IFT81: variants seen among roughly 807,000 people sequenced by gnomAD.
The protein encoded by IFT81 is intraflagellar transport 81.
Under a neutral mutation model 102.6 loss-of-function variants are expected in IFT81, and 72 were observed. The observed-to-expected ratio is 0.70, with a 90% confidence interval of 0.58 to 0.85. The LOEUF is 0.85. IFT81 is among the 40% of genes least tolerant of loss of function. The probability of loss-of-function intolerance (pLI) is 0.00; values close to 1 mark genes in which losing one functional copy is unlikely to be tolerated. For missense variants in IFT81, 723 were observed against 787.3 expected, an observed-to-expected ratio of 0.92 and a Z score of 0.98; for synonymous variants, 237 against 242.7, an observed-to-expected ratio of 0.98 and a Z score of 0.22.
chr12:110,172,564 T>C (rs1370743459), intron 11 of IFT81, among the ~76,000 whole-genome samples: 2 of 152,118 alleles, frequency 1.3e-5, no homozygotes, highest in East Asian at 3.9e-4. Context: ...TTTTCGTATT[T>C]TTTTGGTGGA....
At chr12:110,130,542 G>C (rs2137301283) in intron 4 of IFT81, among the ~76,000 whole-genome samples, 1 of 151,944 alleles carries the variant, frequency 6.6e-6, no homozygotes, top group African/African-American at 2.4e-5. Flanking sequence ...GCTAATTTTT[G>C]TATTTTTAGC....
Position 110,129,139 on chromosome 12 carries a change from T to C in IFT81, c.429+9T>C. The C allele has an allele frequency of 6.4e-7, 1 of 1,562,724 alleles. No homozygotes were observed. The highest frequency in any genetic ancestry group is 8.7e-7 in the Non-Finnish European group (1 of 1,154,986). ...CTGACACCAATAAACAGGTAAACAA[T>C]ACATAAATGGTACATTGAAACTGTA... On this transcript the variant is annotated intron_variant, in intron 4 of 18. Transcript: ENST00000242591.
At chr12:110,190,660 T>G (rs1336732116) in intron 12 of IFT81, among the ~76,000 whole-genome samples, 1 of 152,196 alleles carries the variant, frequency 6.6e-6, no homozygotes, top group Non-Finnish European at 1.5e-5. Context: ...TGTTTTAGGT[T>G]CTGTGCTGAG....
chr12:110,218,233 G>A lies in IFT81; in HGVS notation c.*7G>A. Reference sequence around the variant, plus strand: ...GGACCGGCTAATACTGTGAATTCTTGTGTCATCGTTTGGGGTTTTACTTGA... The same window carrying A: ...GGACCGGCTAATACTGTGAATTCTTATGTCATCGTTTGGGGTTTTACTTGA... On this transcript the variant is annotated 3_prime_UTR_variant, in exon 19 of 19. Coordinates refer to ENST00000242591, the MANE Select transcript of IFT81 (RefSeq NM_014055.4). The A allele has an allele frequency of 6.6e-7, 1 of 1,511,962 alleles. No individual in the cohort carries two copies. Among genetic ancestry groups the A allele is most frequent in the South Asian group, 1.4e-5 (1 of 73,154 alleles). The allele number at this position is 1,511,962 out of a possible 1,614,324, so 93.7% of individuals were successfully genotyped here. A position where few individuals can be genotyped will look rare whatever the true frequency, so the allele number is the denominator to read the frequency against.
Position 110,135,444 on chromosome 12 carries a change from A to G in IFT81, c.696+7A>G. On this transcript the variant is annotated splice_region_variant and intron_variant, in intron 7 of 18. Transcript: ENST00000242591. The stretch of plus-strand genomic sequence containing the variant: ...ACAGGAACAAAAGAATCAGGTATCC[A>G]CATAAAAGTTTATATTCTCAGTATG... 1.3e-6 allele frequency: 2 copies of G among 1,519,430 alleles called. No individual in the cohort carries two copies. Among genetic ancestry groups the G allele is most frequent in the Non-Finnish European group, 1.8e-6 (2 of 1,099,066 alleles). The allele number at this position is 1,519,430 out of a possible 1,614,324, so 94.1% of individuals were successfully genotyped here.
chr12:110,157,413 T>G (rs1593311723), intron 10 of IFT81, among the ~76,000 whole-genome samples: 1 of 149,588 alleles, frequency 6.7e-6, no homozygotes, highest in African/African-American at 2.5e-5. Context: ...AGAAAGGAAG[T>G]GCACTTGGAA....
chr12:110,193,609 AT>A, intron 14 of IFT81, among the ~76,000 whole-genome samples: 1 of 152,190 alleles, frequency 6.6e-6, no homozygotes. Context: ...TTAATACTAT[AT>A]TTTTAACTTG....
chr12:110,147,182 T>C (rs1895276169), intron 10 of IFT81, 134 bp downstream of exon 10: 1 of 576,758 alleles, frequency 1.7e-6, no homozygotes, highest in Non-Finnish European at 2.7e-6. Flanking sequence ...ATCTCCATAG[T>C]ATATCAAAGA....
chr12:110,133,798 A>G (rs1245835796), intron 5 of IFT81, among the ~76,000 whole-genome samples: 1 of 152,196 alleles, frequency 6.6e-6, no homozygotes, highest in Non-Finnish European at 1.5e-5. Context: ...ATGTCATTAA[A>G]CATTCTTCTG....
At chr12:110,206,184 C>G (rs1868599477) in intron 17 of IFT81, among the ~76,000 whole-genome samples, 1 of 152,298 alleles carries the variant, frequency 6.6e-6, no homozygotes, top group South Asian at 2.1e-4. Context: ...AGTGTGATGA[C>G]TGCATTTTAG....
At chr12:110,136,341 G>A (rs928143210) in intron 7 of IFT81, among the ~76,000 whole-genome samples, 2 of 152,110 alleles carry the variant, frequency 1.3e-5, no homozygotes, top group African/African-American at 4.8e-5. Flanking sequence ...GATTTTGCTG[G>A]CACTTGACTT....
rs745860118 is a variant in IFT81 at position 110,134,980 on chromosome 12, G to A, written c.552G>A (p.Gln184=). The change falls in exon 6 of 19, where the codon CAG becomes CAA. Residue 184 remains glutamine (Q), a synonymous_variant. Coordinates refer to ENST00000242591, the MANE Select transcript of IFT81 (RefSeq NM_014055.4). ...GTGCAATGGAAGAAGAAAAGGATCA[G>A]CTCATTAAGAGAGTTGAACATTTGA... ...DISAMEEEKD[Q]LIKRVEHLKK... 1.4e-5 allele frequency: 23 copies of A among 1,611,018 alleles called. No individual in the cohort carries two copies. In the African/African-American group the frequency reaches 2.8e-4, roughly 20 times the overall value.
chr12:110,143,402 G>A lies in IFT81; in HGVS notation c.802G>A (p.Glu268Lys). 1 of 1,396,156 alleles carries A rather than the reference G, an allele frequency of 7.2e-7. No individual in the cohort carries two copies. The highest frequency in any genetic ancestry group is 1.5e-5 in the African/African-American group (1 of 66,946). 86.5% of individuals were successfully genotyped at this position (1,396,156 alleles called of 1,614,324 possible). A position where few individuals can be genotyped will look rare whatever the true frequency, so the allele number is the denominator to read the frequency against. Reference protein sequence around the residue: ...KPESLMKRLEEEIKFNLYMVT... With the variant: ...KPESLMKRLEKEIKFNLYMVT... ...TAAAGGTTTAATGAAGAGGCTAGAG[G>A]AGGAGATAAAATTTAATTTATATAT... Residue 268 changes from glutamate to lysine, a missense_variant, in exon 9 of 19, where the codon GAG (glutamate) becomes AAG (lysine). Coordinates refer to ENST00000242591, the MANE Select transcript of IFT81 (RefSeq NM_014055.4).
intron 11 of IFT81, among the ~76,000 whole-genome samples, chr12:110,178,369 G>A (rs1243132385): frequency 6.7e-6 from 1 of 149,400 alleles, no homozygotes; most frequent in African/African-American, 2.5e-5. Flanking sequence ...AGGGGAGATT[G>A]TGCGGCTGCA....
chr12:110,185,603 T>A (rs182801751), intron 12 of IFT81, among the ~76,000 whole-genome samples: 24 of 152,292 alleles, frequency 1.6e-4, no homozygotes, highest in African/African-American at 5.5e-4. Flanking sequence ...AATATTTTTT[T>A]AATTCTAAAT....
intron 11 of IFT81, chr12:110,168,441 T>C: frequency 1.1e-6 from 1 of 925,220 alleles, no homozygotes; most frequent in Non-Finnish European, 1.3e-6. Context: ...TGTGGTAGAA[T>C]TCAAGTTTTG....
chr12:110,127,704 C>A (rs1219800451), intron 2 of IFT81, among the ~76,000 whole-genome samples, 180 bp downstream of exon 2: 1 of 152,110 alleles, frequency 6.6e-6, no homozygotes, highest in African/African-American at 2.4e-5. Flanking sequence ...CTATTGGTAC[C>A]TTATTTCAAA....
At chr12:110,185,351 A>T (rs928101341) in intron 12 of IFT81, among the ~76,000 whole-genome samples, 3 of 150,804 alleles carry the variant, frequency 2.0e-5, no homozygotes, top group Non-Finnish European at 3.0e-5. Context: ...ATGCCCAACT[A>T]TTTTTTTGTA....
chr12:110,210,388 A>G (rs1593377948), intron 18 of IFT81, among the ~76,000 whole-genome samples: 1 of 152,234 alleles, frequency 6.6e-6, no homozygotes, highest in Non-Finnish European at 1.5e-5. Flanking sequence ...ATGAAGACTA[A>G]CTGTGTTTCA....
Sources: allele counts gnomAD v4.1 joint callset (sites outside exome capture counted in the v4.1 genomes callset), GRCh38; gene constraint gnomAD v4.1.1; transcripts MANE v1.5; gene names NCBI Gene and HGNC (gene_info 2026-07-23, HGNC 2026-07-21).